KCNIP1: variants seen among roughly 807,000 people sequenced by gnomAD.
KCNIP1 encodes the protein A-type potassium channel modulatory protein KCNIP1.
A neutral mutation model predicts 33.0 loss-of-function variants in KCNIP1; 18 were observed. That is an observed-to-expected ratio of 0.55 (90% CI 0.38 to 0.81). The LOEUF is 0.81. Ranked by LOEUF, KCNIP1 falls within the 30% of genes least tolerant of loss-of-function variation. The pLI is 0.00. For synonymous variants in KCNIP1, 93 were observed against 98.3 expected (o/e 0.95, Z 0.32); for missense variants, 238 against 271.6 (o/e 0.88, Z 0.87).
intron 1 of KCNIP1, among the ~76,000 whole-genome samples, chr5:170,616,563 G>A (rs747083367): frequency 4.6e-5 from 7 of 152,160 alleles, no homozygotes; most frequent in Admixed American, 3.3e-4. Context: ...CTGCGTTCAC[G>A]TCTGTGTGCT....
intron 1 of KCNIP1, chr5:170,669,513 A>G (rs1761837393): frequency 3.0e-6 from 3 of 984,968 alleles, no homozygotes; most frequent in South Asian, 4.7e-5. Context: ...ACCTTAAATT[A>G]ATTTGTTGAA....
At chr5:170,670,673 G>C (rs1245982603) in intron 1 of KCNIP1, among the ~76,000 whole-genome samples, 1 of 152,114 alleles carries the variant, frequency 6.6e-6, no homozygotes, top group Non-Finnish European at 1.5e-5. Flanking sequence ...CGGGTGGACC[G>C]CCTGAGCTCA....
intron 1 of KCNIP1, among the ~76,000 whole-genome samples, chr5:170,485,101 C>T (rs1033245901): frequency 6.6e-6 from 1 of 151,976 alleles, no homozygotes; most frequent in African/African-American, 2.4e-5. Context: ...CCACCACGCC[C>T]GGCTAATTTT....
chr5:170,472,183 T>G (rs1295127805), intron 1 of KCNIP1, among the ~76,000 whole-genome samples: 1 of 152,202 alleles, frequency 6.6e-6, no homozygotes, highest in African/African-American at 2.4e-5. Context: ...AGGCATCCTC[T>G]CTGGGCCTCA....
At chr5:170,428,682 T>C (rs1409691825) in intron 1 of KCNIP1, among the ~76,000 whole-genome samples, 2 of 152,094 alleles carry the variant, frequency 1.3e-5, no homozygotes, top group Admixed American at 6.5e-5. Flanking sequence ...CCACCTACAC[T>C]AAAGCCAATA....
chr5:170,639,956 G>T (rs1352025620), intron 1 of KCNIP1, among the ~76,000 whole-genome samples: 4 of 152,274 alleles, frequency 2.6e-5, no homozygotes, highest in African/African-American at 9.6e-5. Context: ...AAATCAGGAA[G>T]AACCTGGGCT....
At chr5:170,703,736 A>G (rs1763172816) in intron 1 of KCNIP1, among the ~76,000 whole-genome samples, 1 of 138,456 alleles carries the variant, frequency 7.2e-6, no homozygotes, top group Non-Finnish European at 1.5e-5. Flanking sequence ...AATACTTTCC[A>G]GATATTCCCT....
At chr5:170,515,954 G>T (rs1300992472) in intron 1 of KCNIP1, among the ~76,000 whole-genome samples, 2 of 152,214 alleles carry the variant, frequency 1.3e-5, no homozygotes, top group Non-Finnish European at 2.9e-5. Context: ...GTTCTAGGCA[G>T]AAGGAACAGG....
intron 1 of KCNIP1, among the ~76,000 whole-genome samples, chr5:170,394,002 G>A (rs769937961): frequency 4.6e-5 from 7 of 152,216 alleles, no homozygotes; most frequent in African/African-American, 9.6e-5. Context: ...GTGGCATGAT[G>A]TGGAAGTGCA....
chr5:170,450,697 G>A (rs1311927643), intron 1 of KCNIP1, among the ~76,000 whole-genome samples: 3 of 152,022 alleles, frequency 2.0e-5, no homozygotes, highest in African/African-American at 7.2e-5. Context: ...CCTCCGCCCC[G>A]ATCCCCAGAA....
chr5:170,378,754 C>A (rs773550380), intron 1 of KCNIP1: 1 of 1,613,934 alleles, frequency 6.2e-7, no homozygotes, highest in Non-Finnish European at 8.5e-7. Flanking sequence ...TTCACCATGG[C>A]GATAATGAGG....
At position 170,696,032 on chromosome 5, in the gene KCNIP1, A is replaced by G. The variant is rs1056143980; in HGVS notation, c.62-22726A>G. ...ACTCTGTCTCAAAAAAAAAAAAAAA[A>G]GCCAGGCTTTTTCTCATCTCATAAT... is the stretch of plus-strand genomic sequence containing the variant. On this transcript the variant is annotated intron_variant, in intron 1 of 7. Coordinates refer to ENST00000328939, the MANE Select transcript of KCNIP1 (RefSeq NM_014592.4). 6.0e-5 allele frequency among the ~76,000 whole-genome samples: 9 copies of G among 151,114 alleles called. 1 individual carries two copies. Among genetic ancestry groups the G allele is most frequent in the South Asian group, 2.1e-4 (1 of 4,766 alleles).
chr5:170,400,469 C>T (rs1382827169), intron 1 of KCNIP1, among the ~76,000 whole-genome samples: 1 of 152,182 alleles, frequency 6.6e-6, no homozygotes, highest in Non-Finnish European at 1.5e-5. Context: ...AATCACCCCC[C>T]ACCAGGTCCC....
intron 1 of KCNIP1, among the ~76,000 whole-genome samples, chr5:170,590,158 G>A (rs10064808): frequency 0.11 from 16,981 of 152,112 alleles, 1,090 homozygotes; most frequent in African/African-American, 0.19. Context: ...AGCCTGCAGG[G>A]ATGGCCTTGA....
chr5:170,550,479 G>C (rs914496687), intron 1 of KCNIP1, among the ~76,000 whole-genome samples: 1 of 152,018 alleles, frequency 6.6e-6, no homozygotes, highest in African/African-American at 2.4e-5. Flanking sequence ...TGATGATGAT[G>C]GTGATGACAA....
intron 1 of KCNIP1, among the ~76,000 whole-genome samples, chr5:170,482,468 C>T (rs1756998917): frequency 6.6e-6 from 1 of 152,188 alleles, no homozygotes; most frequent in South Asian, 2.1e-4. Context: ...ACAACAGCCC[C>T]ATGAAATTTG....
At chr5:170,523,509 C>T (rs1043398839) in intron 1 of KCNIP1, among the ~76,000 whole-genome samples, 5 of 152,172 alleles carry the variant, frequency 3.3e-5, no homozygotes, top group African/African-American at 1.2e-4. Flanking sequence ...ATCATTCCTC[C>T]TCCTAAGACT....
intron 1 of KCNIP1, among the ~76,000 whole-genome samples, chr5:170,663,631 T>G (rs2113753668): frequency 6.6e-6 from 1 of 152,272 alleles, no homozygotes; most frequent in South Asian, 2.1e-4. Context: ...CCTGCCCCAG[T>G]GTTCCCCACT....
chr5:170,390,152 C>CAA (rs33969057), intron 1 of KCNIP1, among the ~76,000 whole-genome samples: 1 of 151,720 alleles, frequency 6.6e-6, no homozygotes, highest in African/African-American at 2.4e-5. Context: ...CATTTGCAGG[C>CAA]AAAAAACATG....
Sources: allele counts gnomAD v4.1 joint callset (sites outside exome capture counted in the v4.1 genomes callset), GRCh38; gene constraint gnomAD v4.1.1; transcripts MANE v1.5; gene names NCBI Gene and HGNC (gene_info 2026-07-23, HGNC 2026-07-21).